Variants in ENTREP2 observed in about 807,000 individuals in gnomAD.
The protein encoded by ENTREP2 is endosomal transmembrane epsin interactor 2, also known as protein ENTREP2.
the ENTREP2 span, among the ~76,000 whole-genome samples, chr15:29,236,086 G>A: frequency 6.6e-6 from 1 of 151,956 alleles, no homozygotes; most frequent in Non-Finnish European, 1.5e-5. Flanking sequence ...CTTTTAACAG[G>A]AGTTGGTACT....
chr15:29,147,403 G>C, the ENTREP2 span, among the ~76,000 whole-genome samples: 1 of 151,860 alleles, frequency 6.6e-6, no homozygotes, highest in Admixed American at 6.6e-5. Context: ...TGTTGGCGTG[G>C]ATGTGAAGAA....
chr15:29,214,561 A>G, the ENTREP2 span, among the ~76,000 whole-genome samples: 1 of 152,152 alleles, frequency 6.6e-6, no homozygotes, highest in Non-Finnish European at 1.5e-5. Context: ...GGTGGGAGGG[A>G]TAGCATTAGG....
chr15:29,638,293 T>A, the ENTREP2 span, among the ~76,000 whole-genome samples: 2 of 152,200 alleles, frequency 1.3e-5, no homozygotes, highest in Non-Finnish European at 2.9e-5. Flanking sequence ...AGCCCAGTGA[T>A]CCTTGGTGGT....
the ENTREP2 span, among the ~76,000 whole-genome samples, chr15:29,365,975 T>C: frequency 6.6e-6 from 1 of 152,162 alleles, no homozygotes; most frequent in Non-Finnish European, 1.5e-5. Context: ...TAGACCCAAA[T>C]CTAACAGCCA....
chr15:29,135,276 G>A, the ENTREP2 span, among the ~76,000 whole-genome samples: 57 of 152,140 alleles, frequency 3.7e-4, no homozygotes, highest in African/African-American at 4.3e-4. The surrounding 1 kb of genome is among the most constrained non-coding windows in gnomAD (Gnocchi z 7.4). Flanking sequence ...CTGGACTGTC[G>A]GCCTCTCTAG....
the ENTREP2 span, among the ~76,000 whole-genome samples, chr15:29,289,650 A>G: frequency 6.6e-6 from 1 of 152,086 alleles, no homozygotes; most frequent in Non-Finnish European, 1.5e-5. Context: ...GTTTGAGACC[A>G]GCCTGATCAA....
the ENTREP2 span, chr15:29,267,261 T>C: frequency 6.6e-6 from 1 of 152,222 alleles, no homozygotes; most frequent in Non-Finnish European, 1.5e-5. Context: ...TCAAGGTTAA[T>C]TTGCAGCACC....
At chr15:29,306,664 ATTTT>A in the ENTREP2 span, among the ~76,000 whole-genome samples, 164 of 77,098 alleles carry the variant, frequency 2.1e-3, no homozygotes, top group Non-Finnish European at 3.5e-3. Flanking sequence ...ATAATTGGTA[ATTTT>A]TTTTTTTTTT....
chr15:29,487,479 C>G, the ENTREP2 span, among the ~76,000 whole-genome samples: 1 of 152,218 alleles, frequency 6.6e-6, no homozygotes, highest in Non-Finnish European at 1.5e-5. Flanking sequence ...CCCCCTCGCT[C>G]TCTCTATCAT....
the ENTREP2 span, among the ~76,000 whole-genome samples, chr15:29,478,904 T>C: frequency 7.2e-6 from 1 of 139,158 alleles, no homozygotes; most frequent in Non-Finnish European, 1.5e-5. Context: ...ATAATAAAAG[T>C]GTGTGGCAGG....
the ENTREP2 span, among the ~76,000 whole-genome samples, chr15:29,361,415 T>C: frequency 2.1e-3 from 326 of 152,348 alleles, 4 homozygotes; most frequent in Admixed American, 0.015. Context: ...CAGTTTCCTC[T>C]TATCTTTCTA....
At chr15:29,632,556 T>C in the ENTREP2 span, among the ~76,000 whole-genome samples, 4 of 152,082 alleles carry the variant, frequency 2.6e-5, no homozygotes, top group East Asian at 7.7e-4. Context: ...CTGAGGCAGG[T>C]GGATCACCTC....
At chr15:29,235,620 A>T in the ENTREP2 span, among the ~76,000 whole-genome samples, 1 of 152,212 alleles carries the variant, frequency 6.6e-6, no homozygotes, top group Non-Finnish European at 1.5e-5. Flanking sequence ...CTTACATAAG[A>T]AACAAGGAAA....
chr15:29,502,404 T>A, the ENTREP2 span, among the ~76,000 whole-genome samples: 1 of 152,000 alleles, frequency 6.6e-6, no homozygotes, highest in South Asian at 2.1e-4. Context: ...GGAATGAAGT[T>A]GGACCCCACC....
the ENTREP2 span, among the ~76,000 whole-genome samples, chr15:29,147,721 T>C: frequency 6.6e-6 from 1 of 152,254 alleles, no homozygotes; most frequent in South Asian, 2.1e-4. Context: ...ATGGCACAGC[T>C]GCTTTGGAAA....
the ENTREP2 span, among the ~76,000 whole-genome samples, chr15:29,423,870 C>T: frequency 2.6e-5 from 4 of 152,130 alleles, no homozygotes; most frequent in African/African-American, 9.7e-5. Flanking sequence ...ATATCACAGA[C>T]GTATGTGGAC....
At chr15:29,387,919 T>C in the ENTREP2 span, among the ~76,000 whole-genome samples, 12,676 of 152,140 alleles carry the variant, frequency 0.083, 1,420 homozygotes, top group African/African-American at 0.26. Flanking sequence ...TAGCCATACG[T>C]AGAAAGCTGA....
chr15:29,618,721 G>A, the ENTREP2 span, among the ~76,000 whole-genome samples: 4 of 146,494 alleles, frequency 2.7e-5, no homozygotes, highest in South Asian at 2.2e-4. Context: ...CTGCCCTGAT[G>A]GGTGGTGGCT....
At chr15:29,230,734 G>A in the ENTREP2 span, among the ~76,000 whole-genome samples, 2 of 152,074 alleles carry the variant, frequency 1.3e-5, no homozygotes, top group East Asian at 1.9e-4. Context: ...AAGAAATGAA[G>A]GTAAGCCTAT....
Sources: gnomAD v4.1 joint callset for allele counts (sites outside exome capture counted in the v4.1 genomes callset) on GRCh38, gnomAD v4.1.1 for gene constraint, Gnocchi (gnomAD v3.1) non-coding constraint, MANE v1.5 for transcripts, NCBI Gene and HGNC (gene_info 2026-07-23, HGNC 2026-07-21) for gene names.